The following CDK14 variants were observed in gnomAD, a reference collection of about 807,000 sequenced individuals.
CDK14 encodes cyclin-dependent kinase 14.
A neutral mutation model predicts 60.7 loss-of-function variants in CDK14; 34 were observed. The observed-to-expected ratio is 0.56, with a 90% CI of 0.43 to 0.75. The LOEUF (loss-of-function observed/expected upper bound fraction) is 0.75, where lower values mean the gene tolerates loss of function less well. CDK14 is among the 30% of genes least tolerant of loss of function. CDK14 has a pLI of 0.00. For synonymous variants in CDK14, 197 were observed against 203.7 expected (o/e 0.97, Z 0.28); for missense variants, 482 against 564.1 (o/e 0.85, Z 1.47).
At chr7:90,639,942 C>G (rs573466159) in intron 2 of CDK14, among the ~76,000 whole-genome samples, 1 of 152,098 alleles carries the variant, frequency 6.6e-6, no homozygotes. Flanking sequence ...GATATAGTCT[C>G]CTGATGCGCC....
chr7:90,764,846 G>A (rs1804488998), intron 4 of CDK14, among the ~76,000 whole-genome samples: 1 of 152,188 alleles, frequency 6.6e-6, no homozygotes, highest in Non-Finnish European at 1.5e-5. Context: ...TGTTTTCAGG[G>A]ACTTAATGAT....
chr7:91,168,729 TTTAA>T (rs1801426220), intron 14 of CDK14, among the ~76,000 whole-genome samples: 1 of 152,226 alleles, frequency 6.6e-6, no homozygotes, highest in Non-Finnish European at 1.5e-5. Context: ...CTCTCAACAT[TTTAA>T]AAGTCTTTTC....
chr7:91,148,527 A>C (rs906906971), intron 14 of CDK14, among the ~76,000 whole-genome samples: 2 of 152,150 alleles, frequency 1.3e-5, no homozygotes, highest in Admixed American at 1.3e-4. Context: ...TTGGTGCCTT[A>C]GGGTAAAAAG....
chr7:90,745,410 T>C (rs778422673), intron 3 of CDK14, among the ~76,000 whole-genome samples: 2 of 152,242 alleles, frequency 1.3e-5, no homozygotes, highest in Non-Finnish European at 2.9e-5. Context: ...TATGACAATA[T>C]GCTTGCTGAA....
chr7:90,896,427 T>TA (rs1219280624), intron 6 of CDK14, among the ~76,000 whole-genome samples: 1 of 152,060 alleles, frequency 6.6e-6, no homozygotes, highest in Non-Finnish European at 1.5e-5. Flanking sequence ...GATATACTAC[T>TA]AAAAAAGAAA....
At chr7:90,908,018 ATT>A (rs1792768571) in intron 7 of CDK14, among the ~76,000 whole-genome samples, 1 of 152,140 alleles carries the variant, frequency 6.6e-6, no homozygotes, top group Non-Finnish European at 1.5e-5. Flanking sequence ...GCCTTTCCTC[ATT>A]CTGTATTTTA....
chr7:91,194,640 G>A (rs980985171), intron 14 of CDK14, among the ~76,000 whole-genome samples: 7 of 152,020 alleles, frequency 4.6e-5, no homozygotes, highest in African/African-American at 9.7e-5. Flanking sequence ...CTTAGGGTGC[G>A]ATTTTAATAC....
chr7:90,850,095 T>A (rs1790599827), intron 5 of CDK14, among the ~76,000 whole-genome samples: 1 of 152,052 alleles, frequency 6.6e-6, no homozygotes, highest in African/African-American at 2.4e-5. Flanking sequence ...ATAGGATATT[T>A]CTTTGCTTCT....
Position 90,766,059 on chromosome 7 carries a change from T to G in CDK14, c.464+18284T>G, listed in dbSNP as rs375629791. Among the ~76,000 whole-genome samples the G allele has an allele frequency of 1.2e-4, 19 of 152,312 alleles. No individual in the cohort carries two copies. The South Asian group carries it at 3.9e-3, about 32-fold the overall frequency. ...TCTAGACGTATAAGAAAATTATCCT[T>G]CTTAAATATCTTTTATTTTTATTCA... On this transcript the variant is annotated intron_variant, in intron 4 of 14. Transcript: ENST00000380050.
In CDK14 at chr7:90,894,138, A is replaced by G. The variant is rs140393969; in HGVS notation, c.640-5153A>G. Among the ~76,000 whole-genome samples the G allele has an allele frequency of 1.7e-4, 26 of 152,302 alleles. No homozygotes were observed. In the East Asian group the frequency reaches 5.0e-3, roughly 29 times the overall value. ...TCATCATCATGAATCATCATCACCT[A>G]TAGTATCCACAATGTGCTGGACAAT... is the stretch of plus-strand genomic sequence containing the variant. On this transcript the variant is annotated intron_variant, in intron 6 of 14. Coordinates refer to ENST00000380050, the MANE Select transcript of CDK14 (RefSeq NM_001287135.2).
chr7:91,034,640 G>A (rs1452683471), intron 10 of CDK14, among the ~76,000 whole-genome samples: 1 of 152,118 alleles, frequency 6.6e-6, no homozygotes, highest in Non-Finnish European at 1.5e-5. Context: ...AGCCCTGGCA[G>A]CTTTTCATTT....
chr7:90,602,270 A>T (rs1003322179), intron 1 of CDK14, among the ~76,000 whole-genome samples: 1 of 152,242 alleles, frequency 6.6e-6, no homozygotes, highest in Non-Finnish European at 1.5e-5. Context: ...TGGCAGCCAC[A>T]TAGTGCGCGT....
At chr7:90,806,643 C>A (rs2888812) in intron 5 of CDK14, among the ~76,000 whole-genome samples, 1 of 151,954 alleles carries the variant, frequency 6.6e-6, no homozygotes, top group African/African-American at 2.4e-5. Context: ...TGCAGTGCAC[C>A]GAGCATGAGC....
intron 8 of CDK14, among the ~76,000 whole-genome samples, chr7:90,943,278 T>TA (rs1212547591): frequency 2.0e-5 from 3 of 152,122 alleles, no homozygotes; most frequent in African/African-American, 7.2e-5. Context: ...GGAGTGGTGG[T>TA]AAAAAATTGA....
intron 6 of CDK14, among the ~76,000 whole-genome samples, chr7:90,872,279 G>A (rs1791393011): frequency 6.6e-6 from 1 of 152,210 alleles, no homozygotes; most frequent in Admixed American, 6.5e-5. Context: ...TTTATGGAAG[G>A]GTTTTTGTTT....
intron 1 of CDK14, among the ~76,000 whole-genome samples, chr7:90,603,063 C>CAAGT (rs56013732): frequency 0.95 from 144,924 of 152,138 alleles, 69,060 homozygotes; most frequent in East Asian, 1. Context: ...CAAAGCTTTC[C>CAAGT]AATAGCTACC....
intron 2 of CDK14, among the ~76,000 whole-genome samples, chr7:90,722,669 G>A (rs902318079): frequency 1.3e-5 from 2 of 151,800 alleles, no homozygotes; most frequent in South Asian, 4.2e-4. Flanking sequence ...CTGTCTTAAT[G>A]ATAGAATACT....
At chr7:90,917,762 C>T (rs982285891) in intron 8 of CDK14, 38 bp downstream of exon 8, 14 of 1,604,590 alleles carry the variant, frequency 8.7e-6, no homozygotes, top group Non-Finnish European at 1.2e-5. Context: ...TTTTGTCATA[C>T]TGTGAGAATG....
At chr7:90,620,494 C>T (rs1027650806) in intron 2 of CDK14, among the ~76,000 whole-genome samples, 2 of 152,156 alleles carry the variant, frequency 1.3e-5, no homozygotes, top group Non-Finnish European at 2.9e-5. Context: ...CTTCACCCAT[C>T]TTCCAGCTTG....
Sources: gnomAD v4.1 joint callset for allele counts (sites outside exome capture counted in the v4.1 genomes callset) on GRCh38, gnomAD v4.1.1 for gene constraint, MANE v1.5 for transcripts, NCBI Gene and HGNC (gene_info 2026-07-23, HGNC 2026-07-21) for gene names.